The following CAST variants were observed in gnomAD, a reference collection of about 807,000 sequenced individuals.
The protein encoded by CAST is calpastatin.
Under a neutral mutation model 119.6 loss-of-function variants are expected in CAST, and 76 were observed. The ratio of observed to expected loss-of-function variants is 0.64; its 90% CI spans 0.53 to 0.77. CAST has a LOEUF of 0.77. Ranked by LOEUF, CAST falls within the 30% of genes least tolerant of loss-of-function variation. The pLI is 0.00. For missense variants in CAST, 953 were observed against 946.5 expected, an observed-to-expected ratio of 1.01 and a Z score of -0.09; for synonymous variants, 319 against 331.6, an observed-to-expected ratio of 0.96 and a Z score of 0.41.
the CAST span, among the ~76,000 whole-genome samples, chr5:96,292,827 C>T: frequency 2.0e-5 from 3 of 152,110 alleles, no homozygotes; most frequent in Non-Finnish European, 2.9e-5. Context: ...GGATAGGGAG[C>T]GACACTTAAT....
chr5:96,423,571 C>T, the CAST span: 1 of 961,356 alleles, frequency 1.0e-6, no homozygotes, highest in Non-Finnish European at 1.6e-6. Context: ...GGTCACTCTA[C>T]TCTTTAGAAG....
At chr5:96,633,751 G>A (rs1166856570) in intron 1 of CAST, among the ~76,000 whole-genome samples, 2 of 152,206 alleles carry the variant, frequency 1.3e-5, no homozygotes, top group East Asian at 3.8e-4. Context: ...AAATAGCAAA[G>A]CCTAGGAATG....
chr5:96,255,020 T>G, the CAST span, among the ~76,000 whole-genome samples: 3 of 152,126 alleles, frequency 2.0e-5, no homozygotes, highest in African/African-American at 7.2e-5. Context: ...TGCATTTCCT[T>G]GTAGCTTATG....
the CAST span, among the ~76,000 whole-genome samples, chr5:96,286,691 G>A: frequency 6.6e-6 from 1 of 152,042 alleles, no homozygotes; most frequent in Admixed American, 6.6e-5. Context: ...TGCTAAGAAG[G>A]CTAGAGATTA....
chr5:96,754,126 C>G lies in CAST; in HGVS notation c.1591C>G (p.Pro531Ala), dbSNP rs761772767. 6.2e-7 allele frequency: 1 copy of G among 1,613,276 alleles called. No homozygotes were observed. The highest frequency in any genetic ancestry group is 2.2e-5 in the East Asian group (1 of 44,878). Residue 531 changes from proline to alanine, a missense_variant, in exon 21 of 32, where the codon CCA (proline) becomes GCA (alanine). Physicochemically the swap from Pro to Ala is conservative, Grantham distance 27 (BLOSUM62 -1). Transcript: ENST00000675179. ...TAGCCTGGGGAAAAAGGAAGCAGAT[C>G]CAGAAGATGGAAAACCTGTGATGGA... ...ADSLGKKEAD[P>A]EDGKPVMDKV...
chr5:96,279,524 G>A, the CAST span, among the ~76,000 whole-genome samples: 111 of 152,250 alleles, frequency 7.3e-4, no homozygotes, highest in African/African-American at 2.6e-3. Context: ...GAATTCAGCA[G>A]GATCCCACAG....
chr5:96,068,555 TAGTC>T, the CAST span, among the ~76,000 whole-genome samples: 5 of 151,166 alleles, frequency 3.3e-5, no homozygotes, highest in East Asian at 1.9e-4. Flanking sequence ...AACCCTGTAT[TAGTC>T]AGGGTTCTTC....
chr5:96,671,771 C>T (rs1470948645), intron 1 of CAST, among the ~76,000 whole-genome samples: 3 of 152,250 alleles, frequency 2.0e-5, no homozygotes, highest in Admixed American at 2.0e-4. Context: ...CTCAACCCAG[C>T]AGTTACACGT....
chr5:96,425,982 A>C, the CAST span: 1 of 1,000,470 alleles, frequency 1.0e-6, no homozygotes. Context: ...CTACCTCTGT[A>C]TACTTCCTCT....
the CAST span, among the ~76,000 whole-genome samples, chr5:96,051,750 A>G: frequency 5.3e-5 from 8 of 152,206 alleles, no homozygotes; most frequent in Non-Finnish European, 1.0e-4. Flanking sequence ...GAAGAGTTTC[A>G]TAATGCCACC....
At chr5:96,456,964 C>A in the CAST span, among the ~76,000 whole-genome samples, 1 of 152,210 alleles carries the variant, frequency 6.6e-6, no homozygotes, top group Non-Finnish European at 1.5e-5. Context: ...GCTTCCCCTT[C>A]TGCCATGATT....
At chr5:96,401,466 T>C in the CAST span, among the ~76,000 whole-genome samples, 1 of 152,212 alleles carries the variant, frequency 6.6e-6, no homozygotes, top group African/African-American at 2.4e-5. Context: ...ACTTTATCTT[T>C]TGGGCAGTGG....
chr5:96,632,668 G>GT (rs368128254), intron 1 of CAST, among the ~76,000 whole-genome samples: 60 of 152,050 alleles, frequency 3.9e-4, no homozygotes, highest in African/African-American at 1.3e-3. Flanking sequence ...AGTGGTCTCA[G>GT]CGCTATTTGT....
At chr5:96,488,754 A>G in the CAST span, among the ~76,000 whole-genome samples, 1 of 152,362 alleles carries the variant, frequency 6.6e-6, no homozygotes, top group Non-Finnish European at 1.5e-5. Context: ...AGAATCTTCT[A>G]CAACCGAACA....
chr5:96,059,757 C>T, the CAST span, among the ~76,000 whole-genome samples: 1 of 152,104 alleles, frequency 6.6e-6, no homozygotes, highest in Non-Finnish European at 1.5e-5. Context: ...ACTACGACCT[C>T]CACATTGGTT....
At chr5:96,338,651 A>C in the CAST span, among the ~76,000 whole-genome samples, 2 of 152,210 alleles carry the variant, frequency 1.3e-5, no homozygotes, top group African/African-American at 4.8e-5. Flanking sequence ...TGCTCATTCC[A>C]AAGTATATTA....
intron 3 of CAST, among the ~76,000 whole-genome samples, chr5:96,712,032 C>A (rs113892876): frequency 1.1e-4 from 16 of 152,170 alleles, no homozygotes; most frequent in African/African-American, 3.6e-4. Context: ...AAATAGGACA[C>A]CCTTACCCTA....
chr5:96,332,620 CAG>C, the CAST span, among the ~76,000 whole-genome samples: 1 of 152,106 alleles, frequency 6.6e-6, no homozygotes, highest in Non-Finnish European at 1.5e-5. Context: ...AACTTGAGGA[CAG>C]AGCGACGACA....
the CAST span, among the ~76,000 whole-genome samples, chr5:96,250,031 T>C: frequency 6.6e-6 from 1 of 152,170 alleles, no homozygotes; most frequent in African/African-American, 2.4e-5. Flanking sequence ...CTCCATATGT[T>C]AGTGGCTTAC....
Sources: gnomAD v4.1 joint callset for allele counts (sites outside exome capture counted in the v4.1 genomes callset) on GRCh38, gnomAD v4.1.1 for gene constraint, MANE v1.5 for transcripts, NCBI Gene and HGNC (gene_info 2026-07-23, HGNC 2026-07-21) for gene names.